The following CDCA7L variants were observed in gnomAD, a reference collection of about 807,000 sequenced individuals.
CDCA7L encodes the protein cell division cycle associated 7 like.
In CDCA7L, 44 loss-of-function variants were observed where a neutral mutation model predicts 57.4. The observed-to-expected ratio is 0.77, with a 90% CI of 0.60 to 0.98. The LOEUF (loss-of-function observed/expected upper bound fraction) is 0.98. CDCA7L is among the 50% of genes least tolerant of loss of function. The probability of loss-of-function intolerance (pLI) is 0.00; values close to 1 mark genes in which losing one functional copy is unlikely to be tolerated. For synonymous variants in CDCA7L, 236 were observed against 202.8 expected, an observed-to-expected ratio of 1.16 and a Z score of -1.39; for missense variants, 644 against 580.6, an observed-to-expected ratio of 1.11 and a Z score of -1.12.
intron 9 of CDCA7L, 116 bp from the exon 10 acceptor site, chr7:21,902,468 C>CACTCGAAATCCTGACAATTTAT: frequency 1.0e-6 from 1 of 981,808 alleles, no homozygotes. Flanking sequence ...GATCTCCTGA[C>CACTCGAAATCCTGACAATTTAT]ACTCGAAATC....
chr7:21,930,838 T>C (rs951522139), intron 1 of CDCA7L, among the ~76,000 whole-genome samples: 4 of 150,062 alleles, frequency 2.7e-5, no homozygotes, highest in African/African-American at 9.9e-5. Flanking sequence ...AAAAAATCAA[T>C]GAATCCAGGA....
In CDCA7L at chr7:21,905,495, G is replaced by A. The variant is rs78062914; in HGVS notation, c.1047+11C>T. The stretch of plus-strand genomic sequence containing the variant: ...ACTCCCAATAAGAATGACAATTAAT[G>A]TATACTTTACCAGAACTTTATCATA... On this transcript the variant is annotated intron_variant, in intron 7 of 9. Transcript: ENST00000406877. 0.01 allele frequency: 16,192 copies of A among 1,612,814 alleles called. 122 individuals carry two copies. The highest frequency in any genetic ancestry group is 0.025 in the South Asian group (2,299 of 90,968).
In CDCA7L at chr7:21,901,039, G is replaced by A; in HGVS notation, c.*1283C>T. ...CTGGGACACCCAAGCAGGAACCATT[G>A]TTGAAGCCCGTCTCAAGGAGCTGGC... On this transcript the variant is annotated 3_prime_UTR_variant, in exon 10 of 10. Transcript: ENST00000406877. 4 of 1,612,278 alleles carry A rather than the reference G, an allele frequency of 2.5e-6. No homozygotes were observed. The highest frequency in any genetic ancestry group is 3.4e-6 in the Non-Finnish European group (4 of 1,179,072).
At chr7:21,914,797 G>A (rs1419128754) in intron 2 of CDCA7L, among the ~76,000 whole-genome samples, 1 of 152,184 alleles carries the variant, frequency 6.6e-6, no homozygotes, top group African/African-American at 2.4e-5. Context: ...AGGGAGGTCT[G>A]TGGATTAAAT....
At position 21,901,400 on chromosome 7, in the gene CDCA7L, C is replaced by A; in HGVS notation, c.*922G>T. On this transcript the variant is annotated 3_prime_UTR_variant, in exon 10 of 10. Coordinates refer to ENST00000406877, the MANE Select transcript of CDCA7L (RefSeq NM_018719.5). ...TCAACGCTATCCTTAGAGTGAAAGT[C>A]AGAAAAAAATACTAGAAACTAACTC... 2 of 1,176,220 alleles carry A rather than the reference C, an allele frequency of 1.7e-6. No individual in the cohort carries two copies. 72.9% of individuals were successfully genotyped at this position (1,176,220 alleles called of 1,614,324 possible).
rs1784935957 is a variant in CDCA7L at position 21,902,339 on chromosome 7, G to C, written c.1348C>G (p.Leu450Val). 33 of 1,613,870 alleles carry C rather than the reference G, an allele frequency of 2.0e-5. No homozygotes were observed. The highest frequency in any genetic ancestry group is 2.6e-5 in the Non-Finnish European group (31 of 1,179,822). ...TTTTCCTCTTAATTGTCTTCTACCA[G>C]CTCCTTTTGTAAGCTGGGAAAAAGA... is the stretch of plus-strand genomic sequence containing the variant. Reference protein sequence around the residue: ...KEYLESLQKELVEDN With the variant: ...KEYLESLQKEVVEDN The change falls in exon 10 of 10, where the codon CTG becomes GTG. Residue 450 changes from leucine to valine, a missense_variant. By Grantham distance (32) the Leu-to-Val change is conservative. Transcript: ENST00000406877.
chr7:21,916,727 C>T (rs1226427319), intron 2 of CDCA7L, 27 bp downstream of exon 2: 14 of 1,609,774 alleles, frequency 8.7e-6, no homozygotes, highest in Admixed American at 1.7e-5. Flanking sequence ...CAGATGAACA[C>T]ATCTGCTTGG....
chr7:21,935,197 G>T (rs1166084641), intron 1 of CDCA7L, among the ~76,000 whole-genome samples: 1 of 152,108 alleles, frequency 6.6e-6, no homozygotes, highest in African/African-American at 2.4e-5. Context: ...ACTATCCTTT[G>T]TTACAGTAGA....
intron 1 of CDCA7L, among the ~76,000 whole-genome samples, chr7:21,923,500 G>C (rs755509989): frequency 6.6e-5 from 10 of 151,944 alleles, no homozygotes; most frequent in Non-Finnish European, 1.5e-4. Context: ...GTCTCTAAAA[G>C]AGAAAAAGAA....
intron 2 of CDCA7L, among the ~76,000 whole-genome samples, chr7:21,913,049 T>C (rs975071853): frequency 1.3e-5 from 2 of 152,072 alleles, no homozygotes; most frequent in African/African-American, 4.8e-5. Flanking sequence ...ATCTCTGATA[T>C]AGCAATGACC....
intron 1 of CDCA7L, among the ~76,000 whole-genome samples, chr7:21,945,165 T>A (rs1367851558): frequency 6.6e-6 from 1 of 152,174 alleles, no homozygotes; most frequent in Non-Finnish European, 1.5e-5. Context: ...AGTTAGGCCC[T>A]TAACGCGTAA....
intron 1 of CDCA7L, among the ~76,000 whole-genome samples, chr7:21,938,407 G>C (rs1461839883): frequency 6.6e-6 from 1 of 152,124 alleles, no homozygotes; most frequent in East Asian, 1.9e-4. Flanking sequence ...AACTAGGGCT[G>C]GCAAAGACGT....
rs1420966942 is a variant in CDCA7L, at chr7:21,901,815, AAAAAT to A, written c.*502_*506del. On this transcript the variant is annotated 3_prime_UTR_variant, in exon 10 of 10. Coordinates refer to ENST00000406877, the MANE Select transcript of CDCA7L (RefSeq NM_018719.5). ...CCCTTTTGTTCAGTCAAGTTTTAATAAAAATAAAACTGTTCTACAGTTAATTGCAC... is the reference window on the plus strand; with the variant it reads ...CCCTTTTGTTCAGTCAAGTTTTAATAAAAACTGTTCTACAGTTAATTGCAC... 2 of 164,576 alleles carry A rather than the reference AAAAAT, an allele frequency of 1.2e-5. No homozygotes were observed. The highest frequency in any genetic ancestry group is 1.3e-5 in the Non-Finnish European group (1 of 74,762). 10.2% of individuals were successfully genotyped at this position (164,576 alleles called of 1,614,324 possible).
At chr7:21,929,238 T>C (rs899406137) in intron 1 of CDCA7L, among the ~76,000 whole-genome samples, 6 of 152,256 alleles carry the variant, frequency 3.9e-5, no homozygotes, top group African/African-American at 1.4e-4. Flanking sequence ...TAAAATCCTT[T>C]ACAGACAAGC....
chr7:21,902,174 T>TAAACAATC lies in CDCA7L; in HGVS notation c.*140_*147dup. 1.3e-6 allele frequency: 1 copy of TAAACAATC among 780,048 alleles called. No homozygotes were observed. The highest frequency in any genetic ancestry group is 2.2e-6 in the Non-Finnish European group (1 of 458,892). 48.3% of individuals were successfully genotyped at this position (780,048 alleles called of 1,614,324 possible). On this transcript the variant is annotated 3_prime_UTR_variant, in exon 10 of 10. Transcript: ENST00000406877. ...TTCCTGAGAAATCTTTGTAAGCATATAAACAATCTTTAACAAAAAATAGTA... is the reference window on the plus strand; with the variant it reads ...TTCCTGAGAAATCTTTGTAAGCATATAAACAATCAAACAATCTTTAACAAAAAATAGTA...
chr7:21,929,300 A>C (rs1020130888), intron 1 of CDCA7L, among the ~76,000 whole-genome samples: 1 of 151,784 alleles, frequency 6.6e-6, no homozygotes, highest in Non-Finnish European at 1.5e-5. Flanking sequence ...GAGTTCCTGA[A>C]GGAAGCACTA....
intron 1 of CDCA7L, among the ~76,000 whole-genome samples, chr7:21,941,964 G>A (rs1431907742): frequency 2.0e-5 from 3 of 152,134 alleles, no homozygotes; most frequent in Admixed American, 1.3e-4. Context: ...CACAGAGCAG[G>A]AGCCAGCTGA....
chr7:21,919,435 G>A (rs1359181778), intron 1 of CDCA7L, among the ~76,000 whole-genome samples: 1 of 151,988 alleles, frequency 6.6e-6, no homozygotes. Flanking sequence ...TATGTTTCCT[G>A]TCCCAGACCT....
intron 4 of CDCA7L, among the ~76,000 whole-genome samples, chr7:21,907,814 G>A (rs1785188657): frequency 6.6e-6 from 1 of 152,152 alleles, no homozygotes; most frequent in South Asian, 2.1e-4. Flanking sequence ...GAACGGGCTA[G>A]TTGTTCAGCC....
Sources: allele counts gnomAD v4.1 joint callset (sites outside exome capture counted in the v4.1 genomes callset), GRCh38; gene constraint gnomAD v4.1.1; transcripts MANE v1.5; gene names NCBI Gene and HGNC (gene_info 2026-07-23, HGNC 2026-07-21).